Variants in MACROD2 observed in about 807,000 individuals in gnomAD.
MACROD2 encodes the protein mono-ADP ribosylhydrolase 2.
A neutral mutation model predicts 70.4 loss-of-function variants in MACROD2; 36 were observed. That is an observed-to-expected ratio of 0.51 (90% CI 0.39 to 0.68). The LOEUF (loss-of-function observed/expected upper bound fraction) is 0.68. Among genes scored for constraint, MACROD2 ranks in the 30% least tolerant of loss-of-function variants. MACROD2 has a pLI of 0.00. For synonymous variants in MACROD2, 172 were observed against 178.8 expected, an observed-to-expected ratio of 0.96 and a Z score of 0.30; for missense variants, 496 against 538.4, an observed-to-expected ratio of 0.92 and a Z score of 0.78.
chr20:15,405,872 G>C (rs1294094044), intron 6 of MACROD2, among the ~76,000 whole-genome samples: 1 of 152,134 alleles, frequency 6.6e-6, no homozygotes, highest in Non-Finnish European at 1.5e-5. Flanking sequence ...TGAAGTTGTT[G>C]AGGGTAGGTA....
chr20:15,314,455 A>G (rs1310407879), intron 6 of MACROD2, among the ~76,000 whole-genome samples: 1 of 152,134 alleles, frequency 6.6e-6, no homozygotes, highest in Non-Finnish European at 1.5e-5. Flanking sequence ...TTAAAAAATG[A>G]TATAAAAACT....
At chr20:14,031,630 G>C (rs939714930) in intron 2 of MACROD2, among the ~76,000 whole-genome samples, 1 of 152,022 alleles carries the variant, frequency 6.6e-6, no homozygotes, top group Non-Finnish European at 1.5e-5. Context: ...TACATTTGTA[G>C]CTATTTATAT....
chr20:14,472,495 C>T (rs923900903), intron 3 of MACROD2, among the ~76,000 whole-genome samples: 3 of 152,030 alleles, frequency 2.0e-5, no homozygotes, highest in East Asian at 1.9e-4. Context: ...GGGAAATAGC[C>T]TATTTATTAA....
At chr20:15,257,982 T>C (rs954668155) in intron 6 of MACROD2, among the ~76,000 whole-genome samples, 11 of 151,928 alleles carry the variant, frequency 7.2e-5, no homozygotes, top group Non-Finnish European at 1.5e-4. Flanking sequence ...TCCTGACTTC[T>C]GTGTAGGCCT....
chr20:14,214,250 G>T (rs938093096), intron 3 of MACROD2, among the ~76,000 whole-genome samples: 1 of 152,084 alleles, frequency 6.6e-6, no homozygotes, highest in Non-Finnish European at 1.5e-5. Flanking sequence ...TAGCCCCCCT[G>T]TATGGGAACT....
chr20:15,025,749 C>T (rs1479426408), intron 5 of MACROD2, among the ~76,000 whole-genome samples: 2 of 152,020 alleles, frequency 1.3e-5, no homozygotes, highest in Admixed American at 6.6e-5. Context: ...GGATGTTTAG[C>T]GGTATCCCTG....
intron 5 of MACROD2, among the ~76,000 whole-genome samples, chr20:15,121,979 A>G (rs1252324950): frequency 1.3e-5 from 2 of 152,126 alleles, no homozygotes; most frequent in Non-Finnish European, 2.9e-5. Context: ...AAACATACCT[A>G]ATTTCTAATA....
intron 8 of MACROD2, among the ~76,000 whole-genome samples, chr20:15,815,733 TTA>T (rs1457689640): frequency 6.6e-6 from 1 of 152,104 alleles, no homozygotes; most frequent in Non-Finnish European, 1.5e-5. Flanking sequence ...TAAGTTGAAG[TTA>T]TATGAGTCTG....
intron 8 of MACROD2, among the ~76,000 whole-genome samples, chr20:15,590,417 A>G (rs957359791): frequency 3.9e-5 from 6 of 152,168 alleles, no homozygotes; most frequent in African/African-American, 7.2e-5. Flanking sequence ...TTAACTCCCT[A>G]CTTAGAGCGA....
At chr20:14,372,385 C>T (rs201094057) in intron 3 of MACROD2, among the ~76,000 whole-genome samples, 1 of 149,360 alleles carries the variant, frequency 6.7e-6, no homozygotes, top group Non-Finnish European at 1.5e-5. Context: ...CTGTTTCAGA[C>T]CAGTAAATGA....
intron 4 of MACROD2, among the ~76,000 whole-genome samples, chr20:14,575,041 A>AAT (rs1568678958): frequency 3.4e-3 from 82 of 23,904 alleles, no homozygotes; most frequent in Admixed American, 7.3e-3. Context: ...AAAAAAAAAA[A>AAT]ATATTCACAA....
At chr20:15,115,649 A>C (rs1354208792) in intron 5 of MACROD2, among the ~76,000 whole-genome samples, 1 of 152,200 alleles carries the variant, frequency 6.6e-6, no homozygotes, top group East Asian at 1.9e-4. Context: ...TTTTAGAATC[A>C]GAAGTCTGGA....
At chr20:15,137,303 C>G (rs1042860312) in intron 5 of MACROD2, among the ~76,000 whole-genome samples, 7 of 151,952 alleles carry the variant, frequency 4.6e-5, no homozygotes, top group African/African-American at 1.7e-4. Flanking sequence ...AGACTTGGAA[C>G]CAACCCAGAT....
chr20:16,023,884 C>A (rs1422608594), intron 15 of MACROD2, among the ~76,000 whole-genome samples: 1 of 152,108 alleles, frequency 6.6e-6, no homozygotes, highest in African/African-American at 2.4e-5. Flanking sequence ...GCGCTCAGGA[C>A]CCCTGGGCTG....
chr20:14,527,790 C>T (rs895924745), intron 4 of MACROD2, among the ~76,000 whole-genome samples: 1 of 152,256 alleles, frequency 6.6e-6, no homozygotes, highest in Admixed American at 6.5e-5. Context: ...ATGTGGTTCA[C>T]CTGAGCCTGT....
intron 8 of MACROD2, among the ~76,000 whole-genome samples, chr20:15,811,131 G>A (rs1436504827): frequency 1.2e-4 from 18 of 152,090 alleles, no homozygotes; most frequent in Non-Finnish European, 2.2e-4. Flanking sequence ...AAAAGAAACT[G>A]CCATCAGAGT....
At chr20:14,896,343 C>T (rs946938788) in intron 5 of MACROD2, among the ~76,000 whole-genome samples, 1 of 151,874 alleles carries the variant, frequency 6.6e-6, no homozygotes, top group Admixed American at 6.6e-5. Flanking sequence ...AACATATTTG[C>T]TATTAATATC....
rs149636364 is a variant in MACROD2, at chr20:14,560,142, C to T, written c.301+66634C>T. ...AAAGAGGGGACAAGAACTTGCTATC[C>T]GTTTTAAAGAATTTTCTATAGAGAC... On this transcript the variant is annotated intron_variant, in intron 4 of 17. Coordinates refer to ENST00000684519, the MANE Select transcript of MACROD2 (RefSeq NM_001351661.2). Among the ~76,000 whole-genome samples the T allele has an allele frequency of 3.9e-3, 586 of 151,770 alleles. 5 individuals carry two copies. The highest frequency in any genetic ancestry group is 0.014 in the African/African-American group (563 of 41,450).
intron 3 of MACROD2, among the ~76,000 whole-genome samples, chr20:14,285,675 C>T (rs2082338151): frequency 6.6e-6 from 1 of 151,708 alleles, no homozygotes; most frequent in Non-Finnish European, 1.5e-5. Context: ...TCCAGTCCCT[C>T]ACTTTATGGG....
Sources: gnomAD v4.1 joint callset for allele counts (sites outside exome capture counted in the v4.1 genomes callset) on GRCh38, gnomAD v4.1.1 for gene constraint, MANE v1.5 for transcripts, NCBI Gene and HGNC (gene_info 2026-07-23, HGNC 2026-07-21) for gene names.